The following RAB22A variants were observed in gnomAD, a reference collection of about 807,000 sequenced individuals.
RAB22A encodes ras-related protein Rab-22A.
In RAB22A, 13 loss-of-function variants were observed where a neutral mutation model predicts 30.2. The ratio of observed to expected loss-of-function variants is 0.43; its 90% CI spans 0.28 to 0.68. RAB22A has a LOEUF of 0.68. Among genes scored for constraint, RAB22A ranks in the 30% least tolerant of loss-of-function variants. The pLI is 0.18. For missense variants in RAB22A, 177 were observed against 246.8 expected (o/e 0.72, Z 1.89); for synonymous variants, 89 against 87.2 (o/e 1.02, Z -0.11).
rs1391703235 is a variant in RAB22A, at chr20:58,316,373, C to T, written c.116+5251C>T. On this transcript the variant is annotated intron_variant, in intron 2 of 6. Coordinates refer to ENST00000244040, the MANE Select transcript of RAB22A (RefSeq NM_020673.3). The stretch of plus-strand genomic sequence containing the variant: ...AGATCCCAGGGTTCTGAGGTAGACT[C>T]CTGCCCATTTGCATTTTGTCTCCTC... Among the ~76,000 whole-genome samples, 5 of 152,280 alleles carry T rather than the reference C, an allele frequency of 3.3e-5. No individual in the cohort carries two copies. The East Asian group carries it at 9.7e-4, about 29-fold the overall frequency.
At chr20:58,347,438 G>T (rs1986969965) in intron 3 of RAB22A, among the ~76,000 whole-genome samples, 1 of 152,166 alleles carries the variant, frequency 6.6e-6, no homozygotes, top group East Asian at 1.9e-4. Flanking sequence ...GTATCAAAGG[G>T]TTAAGAGGGG....
At chr20:58,349,120 A>T (rs1233664020) in intron 3 of RAB22A, among the ~76,000 whole-genome samples, 1 of 136,212 alleles carries the variant, frequency 7.3e-6, no homozygotes, top group African/African-American at 3.0e-5. Flanking sequence ...AGGACATGAA[A>T]GTTTCCATGT....
At chr20:58,357,116 G>C (rs1002624119) in intron 6 of RAB22A, among the ~76,000 whole-genome samples, 1 of 152,124 alleles carries the variant, frequency 6.6e-6, no homozygotes, top group Non-Finnish European at 1.5e-5. Flanking sequence ...AGTGGTAGTT[G>C]TACTAGTTGA....
chr20:58,366,576 C>T lies in RAB22A; in HGVS notation c.*6873C>T, dbSNP rs1987321920. 1 of 152,064 alleles carries T rather than the reference C, an allele frequency of 6.6e-6. No individual in the cohort carries two copies. Among genetic ancestry groups the T allele is most frequent in the African/African-American group, 2.4e-5 (1 of 41,396 alleles). The allele number at this position is 152,064 out of a possible 1,614,324, so 9.4% of individuals were successfully genotyped here. On this transcript the variant is annotated 3_prime_UTR_variant, in exon 7 of 7. Coordinates refer to ENST00000244040, the MANE Select transcript of RAB22A (RefSeq NM_020673.3). ...TACAGGTATCAAAATATCATAGGCA[C>T]CTCAAAGACATGTACAACTCTTAAT...
intron 1 of RAB22A, among the ~76,000 whole-genome samples, chr20:58,310,336 C>T (rs1237224755): frequency 6.6e-6 from 1 of 152,106 alleles, no homozygotes; most frequent in Non-Finnish European, 1.5e-5. Context: ...CCCAACTTAC[C>T]AAGGTATTAG....
At chr20:58,355,900 A>G (rs917403633) in intron 6 of RAB22A, among the ~76,000 whole-genome samples, 2 of 152,180 alleles carry the variant, frequency 1.3e-5, no homozygotes, top group African/African-American at 2.4e-5. Flanking sequence ...TTGAAAGGCA[A>G]CATAAAGCCA....
chr20:58,318,036 C>A (rs1441490283), intron 2 of RAB22A, among the ~76,000 whole-genome samples: 1 of 151,702 alleles, frequency 6.6e-6, no homozygotes, highest in South Asian at 2.1e-4. Context: ...CTTGCTAATT[C>A]TTTTTATTTC....
rs1287346152 is a variant in RAB22A at position 58,329,872 on chromosome 20, T to C, written c.117-13846T>C. Among the ~76,000 whole-genome samples the C allele has an allele frequency of 2.0e-5, 3 of 152,308 alleles. No homozygotes were observed. In the East Asian group the frequency reaches 5.8e-4, roughly 29 times the overall value. On this transcript the variant is annotated intron_variant, in intron 2 of 6. Coordinates refer to ENST00000244040, the MANE Select transcript of RAB22A (RefSeq NM_020673.3). The stretch of plus-strand genomic sequence containing the variant: ...TCTTAGTTGATTCCTCTACAGTGTC[T>C]CCAAATCTGTTGGCCCTCTTTAGTC...
rs1450497447 is a variant in RAB22A at position 58,360,908 on chromosome 20, T to TTAAG, written c.*1206_*1209dup. 1 of 152,624 alleles carries TTAAG rather than the reference T, an allele frequency of 6.6e-6. No individual in the cohort carries two copies. Among genetic ancestry groups the TTAAG allele is most frequent in the Non-Finnish European group, 1.5e-5 (1 of 68,036 alleles). The allele number at this position is 152,624 out of a possible 1,614,324, so 9.5% of individuals were successfully genotyped here. A position where few individuals can be genotyped will look rare whatever the true frequency, so the allele number is the denominator to read the frequency against. ...TCCTTACTAGCCTGAGGGTAAAAGA[T>TTAAG]TAAGCTCCAACCTCAAGTCATTTAC... is the stretch of plus-strand genomic sequence containing the variant. On this transcript the variant is annotated 3_prime_UTR_variant, in exon 7 of 7. Transcript: ENST00000244040.
In RAB22A at chr20:58,315,624, A is replaced by T. The variant is rs78387055; in HGVS notation, c.116+4502A>T. The stretch of plus-strand genomic sequence containing the variant: ...AGGAGAATTCCGTGACTCCATACAC[A>T]GAGTGGGCATAGGAAGTGTGCAGTA... On this transcript the variant is annotated intron_variant, in intron 2 of 6. Transcript: ENST00000244040. 7.4e-3 allele frequency among the ~76,000 whole-genome samples: 1,122 copies of T among 152,176 alleles called. 23 individuals carry two copies. Among genetic ancestry groups the T allele is most frequent in the African/African-American group, 0.026 (1,094 of 41,504 alleles).
chr20:58,352,246 C>T (rs1987063579), intron 3 of RAB22A, among the ~76,000 whole-genome samples: 1 of 152,066 alleles, frequency 6.6e-6, no homozygotes, highest in Admixed American at 6.5e-5. Flanking sequence ...AAAGGTTAAA[C>T]TCATTGGATA....
chr20:58,322,307 G>T (rs1199467910), intron 2 of RAB22A, among the ~76,000 whole-genome samples: 1 of 152,030 alleles, frequency 6.6e-6, no homozygotes, highest in Non-Finnish European at 1.5e-5. Context: ...AGAATTATAG[G>T]CTCTGCTTTT....
chr20:58,311,098 A>T lies in RAB22A; in HGVS notation c.92A>T (p.Asp31Val). Residue 31 changes from aspartate to valine, a missense_variant, in exon 2 of 7, where the codon GAT becomes GTT. By Grantham distance (152) the Asp-to-Val change is radical. Transcript: ENST00000244040. ...TGGCGGTTTGTGGAAGACAGTTTTG[A>T]TCCAAACATCAACCCAACAATAGGG... ...IVWRFVEDSF[D>V]PNINPTIGAS... The T allele has an allele frequency of 6.2e-7, 1 of 1,600,204 alleles. No individual in the cohort carries two copies. The highest frequency in any genetic ancestry group is 8.6e-7 in the Non-Finnish European group (1 of 1,167,310).
intron 3 of RAB22A, among the ~76,000 whole-genome samples, chr20:58,345,204 A>G (rs1255853790): frequency 6.6e-6 from 1 of 152,186 alleles, no homozygotes; most frequent in East Asian, 1.9e-4. Flanking sequence ...AGCCCTCATC[A>G]TAAAGAATCA....
At chr20:58,355,398 T>C (rs1315673431) in intron 6 of RAB22A, among the ~76,000 whole-genome samples, 1 of 152,228 alleles carries the variant, frequency 6.6e-6, no homozygotes, top group Non-Finnish European at 1.5e-5. Flanking sequence ...TCCCATTGTT[T>C]AGATTTGGCC....
At chr20:58,328,538 A>G (rs1382180671) in intron 2 of RAB22A, among the ~76,000 whole-genome samples, 1 of 152,146 alleles carries the variant, frequency 6.6e-6, no homozygotes, top group African/African-American at 2.4e-5. Flanking sequence ...AATTTTTAAA[A>G]TGATGGCTAT....
Position 58,366,705 on chromosome 20 carries a change from A to G in RAB22A, c.*7002A>G, listed in dbSNP as rs1175316034. On this transcript the variant is annotated 3_prime_UTR_variant, in exon 7 of 7. Transcript: ENST00000244040. ...TGAAGAACTCCGCTGCTTCAGAAAG[A>G]GAATAGCAGCGCTCGCTTACCGTGG... 6.6e-6 allele frequency: 1 copy of G among 152,224 alleles called. No homozygotes were observed. Among genetic ancestry groups the G allele is most frequent in the Non-Finnish European group, 1.5e-5 (1 of 68,038 alleles). The allele number at this position is 152,224 out of a possible 1,614,324, so 9.4% of individuals were successfully genotyped here. A position where few individuals can be genotyped will look rare whatever the true frequency, so the allele number is the denominator to read the frequency against.
At chr20:58,328,174 C>G (rs948969968) in intron 2 of RAB22A, among the ~76,000 whole-genome samples, 1 of 151,852 alleles carries the variant, frequency 6.6e-6, no homozygotes, top group Non-Finnish European at 1.5e-5. Context: ...CAACTATTTG[C>G]GAAAAAAATG....
At chr20:58,319,756 C>T (rs557560590) in intron 2 of RAB22A, among the ~76,000 whole-genome samples, 2 of 152,254 alleles carry the variant, frequency 1.3e-5, no homozygotes, top group African/African-American at 4.8e-5. Context: ...TGATGGCTGT[C>T]TCTAGGTCTT....
Sources: allele counts gnomAD v4.1 joint callset (sites outside exome capture counted in the v4.1 genomes callset), GRCh38; gene constraint gnomAD v4.1.1; transcripts MANE v1.5; gene names NCBI Gene and HGNC (gene_info 2026-07-23, HGNC 2026-07-21).